The following LGR5 variants were observed in gnomAD, a reference collection of about 807,000 sequenced individuals.
LGR5 encodes the protein leucine rich repeat containing G protein-coupled receptor 5, also known as leucine-rich repeat-containing G protein-coupled receptor 5.
LGR5 carries 54 observed loss-of-function variants against 76.7 expected under a neutral mutation model. The observed-to-expected ratio is 0.70, with a 90% CI of 0.57 to 0.88. The LOEUF (loss-of-function observed/expected upper bound fraction) is 0.88. Among genes scored for constraint, LGR5 ranks in the 40% least tolerant of loss-of-function variants. The pLI is 0.00. For missense variants in LGR5, 1,078 were observed against 1,073.3 expected (o/e 1.00, Z -0.06); for synonymous variants, 406 against 421.9 (o/e 0.96, Z 0.46).
chr12:71,546,336 T>A (rs868655242), intron 4 of LGR5, among the ~76,000 whole-genome samples: 1 of 116,816 alleles, frequency 8.6e-6, no homozygotes, highest in East Asian at 2.5e-4. Flanking sequence ...ATATATATAT[T>A]AACTGTTTGC....
intron 2 of LGR5, among the ~76,000 whole-genome samples, chr12:71,506,561 C>G (rs1874869031): frequency 6.6e-6 from 1 of 152,082 alleles, no homozygotes; most frequent in African/African-American, 2.4e-5. Flanking sequence ...ACTTTTCTGC[C>G]TTGTCTTATT....
chr12:71,503,927 G>A (rs756194257), intron 1 of LGR5, among the ~76,000 whole-genome samples: 8 of 152,116 alleles, frequency 5.3e-5, no homozygotes, highest in South Asian at 2.1e-4. Flanking sequence ...ACAGAGTTTC[G>A]TTTAAAACAA....
At chr12:71,442,276 C>T (rs1275115558) in intron 1 of LGR5, among the ~76,000 whole-genome samples, 1 of 152,126 alleles carries the variant, frequency 6.6e-6, no homozygotes. Context: ...ATGCATTTAA[C>T]TGTGTCCTCC....
At chr12:71,491,024 A>G (rs1207609812) in intron 1 of LGR5, among the ~76,000 whole-genome samples, 1 of 152,132 alleles carries the variant, frequency 6.6e-6, no homozygotes, top group Non-Finnish European at 1.5e-5. Flanking sequence ...TGTTCTCCTG[A>G]TAGCGAATAA....
At chr12:71,449,881 CATT>C (rs1872178000) in intron 1 of LGR5, among the ~76,000 whole-genome samples, 2 of 152,312 alleles carry the variant, frequency 1.3e-5, no homozygotes, top group African/African-American at 4.8e-5. Context: ...TCTAAGGTCA[CATT>C]ACACAATGCA....
intron 2 of LGR5, among the ~76,000 whole-genome samples, chr12:71,519,320 G>A (rs1480580103): frequency 2.6e-5 from 4 of 152,118 alleles, no homozygotes; most frequent in South Asian, 4.1e-4. Flanking sequence ...GCACGTCACC[G>A]CCACAACCAC....
intron 7 of LGR5, 62 bp from the exon 8 acceptor site, chr12:71,561,719 G>A: frequency 1.1e-6 from 1 of 890,950 alleles, no homozygotes; most frequent in Non-Finnish European, 1.8e-6. Context: ...GTCAGGGTGG[G>A]GGCCTCTATT....
chr12:71,570,858 T>G (rs1199787065), intron 11 of LGR5, among the ~76,000 whole-genome samples: 1 of 152,190 alleles, frequency 6.6e-6, no homozygotes, highest in African/African-American at 2.4e-5. Flanking sequence ...GCTGATAACT[T>G]TTAAAACATG....
chr12:71,499,929 A>C (rs569920410), intron 1 of LGR5, among the ~76,000 whole-genome samples: 50 of 152,210 alleles, frequency 3.3e-4, no homozygotes, highest in African/African-American at 1.1e-3. Context: ...CACAGTAAAC[A>C]TGGAGAGCAG....
At chr12:71,569,322 A>C (rs1301837143) in intron 11 of LGR5, among the ~76,000 whole-genome samples, 1 of 152,250 alleles carries the variant, frequency 6.6e-6, no homozygotes, top group South Asian at 2.1e-4. Context: ...ATCTAATTAA[A>C]CTAAAGAGCT....
intron 6 of LGR5, among the ~76,000 whole-genome samples, chr12:71,558,699 G>A (rs1211359673): frequency 6.6e-6 from 1 of 152,172 alleles, no homozygotes; most frequent in South Asian, 2.1e-4. Context: ...CTCCACAGAG[G>A]AGGATCTAAC....
intron 7 of LGR5, among the ~76,000 whole-genome samples, chr12:71,560,223 C>T (rs1877986518): frequency 6.6e-6 from 1 of 151,974 alleles, no homozygotes; most frequent in African/African-American, 2.4e-5. Flanking sequence ...TGGCCAGAAG[C>T]CTTATCAATA....
chr12:71,563,182 T>C (rs1878146510), intron 8 of LGR5, among the ~76,000 whole-genome samples: 1 of 152,156 alleles, frequency 6.6e-6, no homozygotes. Flanking sequence ...GGTGACCACT[T>C]TCTCCCATAA....
intron 4 of LGR5, among the ~76,000 whole-genome samples, chr12:71,544,259 CT>C (rs3070150): frequency 1.7e-3 from 89 of 52,408 alleles, no homozygotes; most frequent in Admixed American, 4.4e-3. Context: ...AGGGGAAATT[CT>C]TTTTTTTTTT....
At chr12:71,572,985 C>A (rs1565772392) in intron 13 of LGR5, 64 bp downstream of exon 13, 1 of 1,209,628 alleles carries the variant, frequency 8.3e-7, no homozygotes, top group Non-Finnish European at 1.2e-6. Context: ...GGGGCCTTCC[C>A]CTAATGTTTT....
intron 4 of LGR5, among the ~76,000 whole-genome samples, chr12:71,538,001 A>T (rs1005453141): frequency 2.0e-5 from 3 of 150,448 alleles, no homozygotes; most frequent in Non-Finnish European, 4.4e-5. Context: ...TTTTTCTTGG[A>T]TTATACATTC....
At chr12:71,507,085 C>T (rs891869946) in intron 2 of LGR5, among the ~76,000 whole-genome samples, 1 of 152,112 alleles carries the variant, frequency 6.6e-6, no homozygotes, top group Admixed American at 6.5e-5. Flanking sequence ...GCTTTACACA[C>T]ATCATTTCAG....
chr12:71,545,214 G>A (rs1441817380), intron 4 of LGR5, among the ~76,000 whole-genome samples: 2 of 152,200 alleles, frequency 1.3e-5, no homozygotes, highest in Non-Finnish European at 2.9e-5. Context: ...CGGAGGCCAA[G>A]GCGGGAGGAT....
rs1394338887 is a variant in LGR5 at position 71,574,988 on chromosome 12, G to A, written c.1208+2067G>A. Among the ~76,000 whole-genome samples the A allele has an allele frequency of 4.6e-5, 7 of 152,198 alleles. No homozygotes were observed. The South Asian group carries it at 1.0e-3, about 22-fold the overall frequency. On this transcript the variant is annotated intron_variant, in intron 13 of 17. Coordinates refer to ENST00000266674, the MANE Select transcript of LGR5 (RefSeq NM_003667.4). Reference sequence around the variant, plus strand: ...AACTTCTAGCCCAGGGTCTAGTGCAGTGGCTTTTTTATTATTTGCTTAAGA... The same window carrying A: ...AACTTCTAGCCCAGGGTCTAGTGCAATGGCTTTTTTATTATTTGCTTAAGA...
Sources: gnomAD v4.1 joint callset for allele counts (sites outside exome capture counted in the v4.1 genomes callset) on GRCh38, gnomAD v4.1.1 for gene constraint, MANE v1.5 for transcripts, NCBI Gene and HGNC (gene_info 2026-07-23, HGNC 2026-07-21) for gene names.